LY9: variants seen among roughly 807,000 people sequenced by gnomAD.
LY9 encodes T-lymphocyte surface antigen Ly-9.
A neutral mutation model predicts 64.6 loss-of-function variants in LY9; 59 were observed. The observed-to-expected ratio is 0.91, with a 90% CI of 0.74 to 1.13. The LOEUF (loss-of-function observed/expected upper bound fraction) is 1.13, where lower values mean the gene tolerates loss of function less well. LY9 is among the 50% of genes most tolerant of loss of function. The pLI is 0.00. For synonymous variants in LY9, 281 were observed against 308.5 expected (o/e 0.91, Z 0.93); for missense variants, 789 against 797.2 (o/e 0.99, Z 0.12).
At chr1:160,797,831 T>C (rs1666036259) in intron 1 of LY9, among the ~76,000 whole-genome samples, 1 of 149,874 alleles carries the variant, frequency 6.7e-6, no homozygotes, top group African/African-American at 2.5e-5. Context: ...GGATGCATCA[T>C]GCAACACTCT....
chr1:160,818,257 T>G lies in LY9; in HGVS notation c.1382T>G (p.Leu461Arg), dbSNP rs757112418. Residue 461 changes from leucine (L) to arginine (R), a missense_variant, in exon 6 of 10, where the codon CTG (leucine) becomes CGG (arginine). Physicochemically the swap from Leu to Arg is moderately radical, Grantham distance 102 (BLOSUM62 -2). Transcript: ENST00000263285. The stretch of plus-strand genomic sequence containing the variant: ...ACAAAGCTTTGGATTGGGTTGTTCC[T>G]GATGGTTTGCCTTCTGTGCGTTGGG... ...RNTKLWIGLF[L>R]MVCLLCVGIF... 6.2e-7 allele frequency: 1 copy of G among 1,614,112 alleles called. No homozygotes were observed. Among genetic ancestry groups the G allele is most frequent in the South Asian group, 1.1e-5 (1 of 91,070 alleles).
intron 1 of LY9, chr1:160,797,148 G>A (rs1022670631): frequency 4.9e-5 from 48 of 985,370 alleles, no homozygotes; most frequent in African/African-American, 7.0e-5. Flanking sequence ...TGCATGGCCC[G>A]GAACCCCACT....
In LY9 at chr1:160,816,622, G is replaced by A. The variant is rs780309222; in HGVS notation, c.1101G>A (p.Trp367Ter). The A allele has an allele frequency of 1.1e-5, 17 of 1,610,500 alleles. No individual in the cohort carries two copies. The highest frequency in any genetic ancestry group is 3.4e-5 in the Admixed American group (2 of 59,450). Reference sequence around the variant, plus strand: ...GGCTGAGGAAGCCCAAAATCACGTGGAGCCTCAGGCACAGTGAGGATGGCA... The same window carrying A: ...GGCTGAGGAAGCCCAAAATCACGTGAAGCCTCAGGCACAGTGAGGATGGCA... ...YRRLRKPKIT[W>*]SLRHSEDGIC... Residue 367 changes from tryptophan to a stop codon, truncating the protein, a stop_gained, in exon 5 of 10, where the codon TGG becomes TGA. Transcript: ENST00000263285. LOFTEE classifies it high-confidence loss of function.
At chr1:160,818,509 G>A (rs560747233) in intron 6 of LY9, among the ~76,000 whole-genome samples, 190 bp downstream of exon 6, 6 of 152,200 alleles carry the variant, frequency 3.9e-5, no homozygotes, top group African/African-American at 1.2e-4. Flanking sequence ...GTTCAAACTG[G>A]CTTAGACAGA....
chr1:160,814,393 G>A (rs998738483), intron 3 of LY9, 27 bp from the exon 4 acceptor site: 6 of 1,543,652 alleles, frequency 3.9e-6, no homozygotes, highest in Non-Finnish European at 5.3e-6. Context: ...AGTGACTGAA[G>A]CTGCAATGTC....
At chr1:160,821,448 C>T (rs1017107689) in intron 7 of LY9, among the ~76,000 whole-genome samples, 1 of 152,212 alleles carries the variant, frequency 6.6e-6, no homozygotes, top group Non-Finnish European at 1.5e-5. Flanking sequence ...TAGATTAAAA[C>T]TGATTCCCAT....
chr1:160,827,142 C>G (rs1478756314), intron 9 of LY9, among the ~76,000 whole-genome samples: 1 of 152,208 alleles, frequency 6.6e-6, no homozygotes, highest in Admixed American at 6.5e-5. Flanking sequence ...CCTACTTGAT[C>G]TGGAAATTCT....
rs77711414 is a variant in LY9, at chr1:160,814,919, G to A, written c.1072+158G>A. The A allele has an allele frequency of 7.1e-4, 454 of 635,614 alleles. 2 individuals are homozygous for A. In the African/African-American group the frequency reaches 7.3e-3, roughly 10 times the overall value. The allele number at this position is 635,614 out of a possible 1,614,324, so 39.4% of individuals were successfully genotyped here. A position where few individuals can be genotyped will look rare whatever the true frequency, so the allele number is the denominator to read the frequency against. ...TTCAGTTCACACCAGTTGATTCATA[G>A]GAGGCAAACTCATGACTAGCTGCTG... On this transcript the variant is annotated intron_variant, in intron 4 of 9. Transcript: ENST00000263285.
intron 2 of LY9, chr1:160,801,833 C>T: frequency 6.2e-7 from 1 of 1,614,176 alleles, no homozygotes; most frequent in Non-Finnish European, 8.5e-7. Flanking sequence ...TCGAGGGTGA[C>T]CACCGCACAC....
chr1:160,812,148 C>A (rs1040642664), intron 2 of LY9: 1 of 152,202 alleles, frequency 6.6e-6, no homozygotes, highest in Non-Finnish European at 1.5e-5. Context: ...GTTTCTTCTG[C>A]GGCCTCTCTC....
rs774738313 is a variant in LY9, at chr1:160,818,280, G to A, written c.1405G>A (p.Gly469Arg). 1.2e-6 allele frequency: 2 copies of A among 1,614,050 alleles called. No homozygotes were observed. Among genetic ancestry groups the A allele is most frequent in the Non-Finnish European group, 1.7e-6 (2 of 1,179,984 alleles). Residue 469 changes from glycine (G) to arginine (R), a missense_variant, in exon 6 of 10, where the codon GGG (glycine) becomes AGG (arginine). Coordinates refer to ENST00000263285, the MANE Select transcript of LY9 (RefSeq NM_002348.4). Reference sequence around the variant, plus strand: ...CCTGATGGTTTGCCTTCTGTGCGTTGGGATCTTCAGCTGGTGCATTTGGAA... The same window carrying A: ...CCTGATGGTTTGCCTTCTGTGCGTTAGGATCTTCAGCTGGTGCATTTGGAA... ...LFLMVCLLCV[G>R]IFSWCIWKRK... is the part of the protein sequence containing the mutation.
intron 4 of LY9, chr1:160,814,964 G>A: frequency 1.7e-6 from 1 of 591,494 alleles, no homozygotes; most frequent in Non-Finnish European, 3.0e-6. Context: ...ACCCGCCAAA[G>A]TGCCCCTGGC....
intron 2 of LY9, among the ~76,000 whole-genome samples, chr1:160,804,687 G>A (rs1666812127): frequency 6.6e-6 from 1 of 152,116 alleles, no homozygotes; most frequent in Admixed American, 6.5e-5. Context: ...TGTATATTTG[G>A]TAGAATTTGG....
intron 9 of LY9, among the ~76,000 whole-genome samples, chr1:160,826,249 G>C (rs1387393697): frequency 6.6e-6 from 1 of 152,172 alleles, no homozygotes; most frequent in East Asian, 1.9e-4. Flanking sequence ...TTCACATTGA[G>C]TAGGCTGAGG....
chr1:160,824,751 G>C, intron 9 of LY9: 1 of 601,010 alleles, frequency 1.7e-6, no homozygotes, highest in South Asian at 7.7e-5. Flanking sequence ...AGGCCAAGGC[G>C]GGTGGATCAC....
At chr1:160,801,957 C>A in intron 2 of LY9, 5 of 1,607,178 alleles carry the variant, frequency 3.1e-6, no homozygotes, top group South Asian at 2.2e-5. Flanking sequence ...GCTCCGCCAT[C>A]CCCACCTCAC....
chr1:160,804,082 T>G (rs1666749542), intron 2 of LY9, among the ~76,000 whole-genome samples: 1 of 152,224 alleles, frequency 6.6e-6, no homozygotes, highest in South Asian at 2.1e-4. Flanking sequence ...GTTTTTTATT[T>G]CTTTATTTTG....
rs748302537 is a variant in LY9, at chr1:160,823,481, C to T, written c.1515C>T (p.His505=). 1.2e-6 allele frequency: 2 copies of T among 1,609,224 alleles called. No individual in the cohort carries two copies. The highest frequency in any genetic ancestry group is 2.7e-5 in the African/African-American group (2 of 74,926). Residue 505 remains histidine (H), a synonymous_variant, in exon 8 of 10, where the codon CAC becomes CAT. Transcript: ENST00000263285. ...GTGTTCCAGAACCCACAGCTGGCCA[C>T]ACGCTATACTCTGTGCTCTCCCAAG... is the stretch of plus-strand genomic sequence containing the variant. ...PADTPEPTAG[H]TLYSVLSQGY...
Position 160,828,025 on chromosome 1 carries a change from A to G in LY9, c.*209A>G. 3 of 397,316 alleles carry G rather than the reference A, an allele frequency of 7.6e-6. No homozygotes were observed. The highest frequency in any genetic ancestry group is 1.4e-5 in the Non-Finnish European group (3 of 220,126). The allele number at this position is 397,316 out of a possible 1,614,324, so 24.6% of individuals were successfully genotyped here. ...AGACACAGGCTCCTTCTTGGAGCCT[A>G]TGGGCTTCAGATGTCTTTGCCCCAT... On this transcript the variant is annotated 3_prime_UTR_variant, in exon 10 of 10. Coordinates refer to ENST00000263285, the MANE Select transcript of LY9 (RefSeq NM_002348.4).
Sources: gnomAD v4.1 joint callset for allele counts (sites outside exome capture counted in the v4.1 genomes callset) on GRCh38, gnomAD v4.1.1 for gene constraint, MANE v1.5 for transcripts, NCBI Gene and HGNC (gene_info 2026-07-23, HGNC 2026-07-21) for gene names.